Variants in CCDC149 observed in about 807,000 individuals in gnomAD.
CCDC149 encodes coiled-coil domain-containing protein 149.
In CCDC149, 45 loss-of-function variants were observed where a neutral mutation model predicts 59.9. The observed-to-expected ratio is 0.75, with a 90% CI of 0.59 to 0.96. The LOEUF is 0.96. Ranked by LOEUF, CCDC149 falls within the 40% of genes least tolerant of loss-of-function variation. The probability of loss-of-function intolerance (pLI) is 0.00; values close to 1 mark genes in which losing one functional copy is unlikely to be tolerated. For missense variants in CCDC149, 584 were observed against 664.7 expected (o/e 0.88, Z 1.33); for synonymous variants, 245 against 260.6 (o/e 0.94, Z 0.58).
chr4:24,846,896 A>G (rs1315488293), intron 4 of CCDC149, among the ~76,000 whole-genome samples: 1 of 152,204 alleles, frequency 6.6e-6, no homozygotes, highest in East Asian at 1.9e-4. Flanking sequence ...TGAAAGTACC[A>G]TAATCTTTAA....
At chr4:24,878,317 C>G (rs1236393391) in intron 1 of CCDC149, among the ~76,000 whole-genome samples, 5 of 151,516 alleles carry the variant, frequency 3.3e-5, no homozygotes, top group Non-Finnish European at 7.4e-5. Flanking sequence ...AAAAAGGACA[C>G]TTCCACCTTG....
At chr4:24,950,362 T>C (rs1723249269) in intron 1 of CCDC149, among the ~76,000 whole-genome samples, 1 of 152,258 alleles carries the variant, frequency 6.6e-6, no homozygotes, top group Admixed American at 6.5e-5. Context: ...ATTTAATTAG[T>C]ATCTGCAAAG....
chr4:24,944,830 G>C (rs1040456781), intron 1 of CCDC149, among the ~76,000 whole-genome samples: 1 of 152,204 alleles, frequency 6.6e-6, no homozygotes, highest in African/African-American at 2.4e-5. Flanking sequence ...TGAAAGGATG[G>C]TGATGATGGT....
intron 1 of CCDC149, among the ~76,000 whole-genome samples, chr4:24,911,324 A>T (rs1273889243): frequency 6.6e-6 from 1 of 152,192 alleles, no homozygotes; most frequent in Non-Finnish European, 1.5e-5. Context: ...CCTTCCTCCC[A>T]GACTATATCA....
chr4:24,831,216 A>C (rs1577390278), intron 9 of CCDC149: 1 of 230,116 alleles, frequency 4.3e-6, no homozygotes, highest in East Asian at 1.0e-4. Context: ...GGGTCAAGTC[A>C]CCCAGGCGAT....
chr4:24,877,199 T>A (rs1719517044), intron 1 of CCDC149, among the ~76,000 whole-genome samples: 1 of 152,014 alleles, frequency 6.6e-6, no homozygotes, highest in African/African-American at 2.4e-5. Flanking sequence ...GTTTGTTTGT[T>A]TTTTGAGACG....
At chr4:24,949,668 G>C (rs1723224246) in intron 1 of CCDC149, among the ~76,000 whole-genome samples, 1 of 152,126 alleles carries the variant, frequency 6.6e-6, no homozygotes, top group African/African-American at 2.4e-5. Flanking sequence ...GAGCCAGAAA[G>C]AAAGGGCCCT....
At chr4:24,823,128 G>C (rs1417406142) in intron 9 of CCDC149, 3 of 152,138 alleles carry the variant, frequency 2.0e-5, no homozygotes, top group Non-Finnish European at 4.4e-5. Context: ...GGAAGTATTT[G>C]ATAAATATAT....
chr4:24,912,788 A>G lies in CCDC149; in HGVS notation c.63+29T>C, dbSNP rs1305720753. 1.4e-5 allele frequency: 18 copies of G among 1,289,504 alleles called. No individual in the cohort carries two copies. The Admixed American group carries it at 5.1e-4, about 36-fold the overall frequency. The allele number at this position is 1,289,504 out of a possible 1,614,324, so 79.9% of individuals were successfully genotyped here. ...GGCTGGCGGCCGCTCGGCCCGGCCCATCCCGCCTGGCCGGCGCCGCGGCCT... is the reference window on the plus strand; with the variant it reads ...GGCTGGCGGCCGCTCGGCCCGGCCCGTCCCGCCTGGCCGGCGCCGCGGCCT... On this transcript the variant is annotated intron_variant, in intron 1 of 12. Coordinates refer to ENST00000635206, the MANE Select transcript of CCDC149 (RefSeq NM_001330643.2).
At chr4:24,957,742 C>T (rs1723509283) in intron 1 of CCDC149, among the ~76,000 whole-genome samples, 1 of 152,182 alleles carries the variant, frequency 6.6e-6, no homozygotes, top group Admixed American at 6.5e-5. Flanking sequence ...GCAAGAATGG[C>T]AGAGTTGCAA....
Position 24,837,278 on chromosome 4 carries a change from ACTCAGG to A in CCDC149, c.606_611del (p.Leu203_Ser204del). On this transcript the variant is annotated inframe_deletion, in exon 6 of 13. Transcript: ENST00000635206. The surrounding 1 kb of genome is among the most constrained non-coding windows in gnomAD (Gnocchi z 4.3). The stretch of plus-strand genomic sequence containing the variant: ...CGTCAATGATGCGGTTCTCGTGCCC[ACTCAGG>A]ATATGGTTCAGCTCCTGGTTGAGCC... 1 of 1,614,102 alleles carries A rather than the reference ACTCAGG, an allele frequency of 6.2e-7. No individual in the cohort carries two copies. Among genetic ancestry groups the A allele is most frequent in the South Asian group, 1.1e-5 (1 of 91,070 alleles).
At chr4:24,938,467 C>T (rs923700720) in intron 1 of CCDC149, among the ~76,000 whole-genome samples, 6 of 152,198 alleles carry the variant, frequency 3.9e-5, no homozygotes, top group Admixed American at 1.3e-4. Context: ...CAGCTCCCAG[C>T]GTAAGCGATG....
intron 1 of CCDC149, among the ~76,000 whole-genome samples, chr4:24,897,869 G>A (rs926753343): frequency 6.6e-6 from 1 of 152,234 alleles, no homozygotes; most frequent in Admixed American, 6.5e-5. Flanking sequence ...CAGCCTGCAT[G>A]CATGCTGCAA....
chr4:24,927,790 TC>T (rs1722468616), intron 1 of CCDC149, among the ~76,000 whole-genome samples: 1 of 151,648 alleles, frequency 6.6e-6, no homozygotes, highest in African/African-American at 2.4e-5. Flanking sequence ...ACACATACAT[TC>T]TTTCCTGTAT....
At chr4:24,833,580 C>T (rs1258909105) in intron 8 of CCDC149, among the ~76,000 whole-genome samples, 1 of 152,062 alleles carries the variant, frequency 6.6e-6, no homozygotes, top group Non-Finnish European at 1.5e-5. Context: ...ACCACGATCA[C>T]GCCACTGCAC....
intron 4 of CCDC149, among the ~76,000 whole-genome samples, chr4:24,843,058 T>C (rs905746431): frequency 6.6e-6 from 1 of 152,112 alleles, no homozygotes; most frequent in African/African-American, 2.4e-5. Context: ...AGGACAGCCA[T>C]GTATGGCTGC....
chr4:24,939,069 G>C (rs887755671), intron 1 of CCDC149, among the ~76,000 whole-genome samples: 1 of 152,228 alleles, frequency 6.6e-6, no homozygotes, highest in African/African-American at 2.4e-5. Context: ...CATGCAGCTT[G>C]AGATCTGAGA....
chr4:24,818,295 G>C (rs986722983), intron 12 of CCDC149, among the ~76,000 whole-genome samples: 1 of 152,314 alleles, frequency 6.6e-6, no homozygotes, highest in African/African-American at 2.4e-5. Context: ...TGTCATGCTT[G>C]AGAAGTCCAC....
At chr4:24,952,602 A>AG (rs1458622998) in intron 1 of CCDC149, among the ~76,000 whole-genome samples, 20 of 35,468 alleles carry the variant, frequency 5.6e-4, no homozygotes, top group Admixed American at 1.5e-3. Flanking sequence ...TCTCAAAAAA[A>AG]AAAAAAAAAA....
Sources: allele counts gnomAD v4.1 joint callset (sites outside exome capture counted in the v4.1 genomes callset), GRCh38; gene constraint gnomAD v4.1.1; non-coding constraint Gnocchi (gnomAD v3.1); transcripts MANE v1.5; gene names NCBI Gene and HGNC (gene_info 2026-07-23, HGNC 2026-07-21).